Variants in MACROD2 observed in about 807,000 individuals in gnomAD.
The protein encoded by MACROD2 is mono-ADP ribosylhydrolase 2.
Under a neutral mutation model 70.4 loss-of-function variants are expected in MACROD2, and 36 were observed. The ratio of observed to expected loss-of-function variants is 0.51; its 90% confidence interval spans 0.39 to 0.68. The LOEUF (loss-of-function observed/expected upper bound fraction) is 0.68, where lower values mean the gene tolerates loss of function less well. MACROD2 is among the 30% of genes least tolerant of loss of function. The probability of loss-of-function intolerance (pLI) is 0.00; values close to 1 mark genes in which losing one functional copy is unlikely to be tolerated. For missense variants in MACROD2, 496 were observed against 538.4 expected (o/e 0.92, Z 0.78); for synonymous variants, 172 against 178.8 (o/e 0.96, Z 0.30).
intron 3 of MACROD2, among the ~76,000 whole-genome samples, chr20:14,138,063 T>C (rs1461062579): frequency 6.6e-6 from 1 of 152,148 alleles, no homozygotes; most frequent in African/African-American, 2.4e-5. Flanking sequence ...TATCACTGCA[T>C]ACCTGTTAGA....
At chr20:15,332,930 G>A (rs1471163727) in intron 6 of MACROD2, among the ~76,000 whole-genome samples, 1 of 139,104 alleles carries the variant, frequency 7.2e-6, no homozygotes, top group South Asian at 2.1e-4. Context: ...AGGAGGAAGA[G>A]GAAGCTCAGC....
At chr20:14,314,527 G>A (rs1215728035) in intron 3 of MACROD2, among the ~76,000 whole-genome samples, 2 of 152,294 alleles carry the variant, frequency 1.3e-5, no homozygotes, top group South Asian at 2.1e-4. Context: ...TTGGGAGGCC[G>A]AGGTGGGTGG....
At chr20:14,389,273 T>A (rs1489051241) in intron 3 of MACROD2, among the ~76,000 whole-genome samples, 1 of 151,746 alleles carries the variant, frequency 6.6e-6, no homozygotes, top group Non-Finnish European at 1.5e-5. Context: ...ATACAAAAAA[T>A]TAACCAGGCA....
intron 6 of MACROD2, among the ~76,000 whole-genome samples, chr20:15,290,001 A>C (rs989602139): frequency 1.2e-4 from 19 of 152,232 alleles, no homozygotes; most frequent in African/African-American, 4.6e-4. Flanking sequence ...AGGCAATAAC[A>C]TTCCCTGAGC....
intron 8 of MACROD2, among the ~76,000 whole-genome samples, chr20:15,768,564 G>A (rs963693797): frequency 2.6e-5 from 4 of 152,164 alleles, no homozygotes; most frequent in East Asian, 3.9e-4. Flanking sequence ...GCACACTGCT[G>A]TAGACTTCAG....
At chr20:15,080,395 C>T (rs913310969) in intron 5 of MACROD2, among the ~76,000 whole-genome samples, 3 of 152,128 alleles carry the variant, frequency 2.0e-5, no homozygotes, top group African/African-American at 7.2e-5. Flanking sequence ...ATATGCACTG[C>T]CGCAGCATCT....
At chr20:14,633,232 G>A (rs1377479193) in intron 4 of MACROD2, among the ~76,000 whole-genome samples, 1 of 152,160 alleles carries the variant, frequency 6.6e-6, no homozygotes, top group Admixed American at 6.6e-5. Context: ...AAAGACATTT[G>A]TGATTCATTT....
intron 3 of MACROD2, among the ~76,000 whole-genome samples, chr20:14,227,317 GT>G (rs1295115724): frequency 6.6e-6 from 1 of 152,116 alleles, no homozygotes; most frequent in African/African-American, 2.4e-5. Context: ...CTTTCACATG[GT>G]GGAAGCTTTG....
At chr20:14,012,971 G>A (rs1365134310) in intron 2 of MACROD2, among the ~76,000 whole-genome samples, 1 of 152,064 alleles carries the variant, frequency 6.6e-6, no homozygotes, top group Non-Finnish European at 1.5e-5. Context: ...TGACTGAATG[G>A]CGCCATGTAT....
chr20:14,738,893 A>G (rs925504213), intron 5 of MACROD2, among the ~76,000 whole-genome samples: 2 of 152,018 alleles, frequency 1.3e-5, no homozygotes, highest in Non-Finnish European at 2.9e-5. Context: ...AAAATAATAG[A>G]AATAGATTTC....
intron 7 of MACROD2, among the ~76,000 whole-genome samples, chr20:15,483,696 A>G (rs1406531815): frequency 2.0e-5 from 3 of 152,132 alleles, no homozygotes; most frequent in African/African-American, 7.2e-5. Context: ...ATCCATGCAC[A>G]TAGACTATCT....
At chr20:15,841,310 G>A (rs2064167749) in intron 8 of MACROD2, among the ~76,000 whole-genome samples, 1 of 152,090 alleles carries the variant, frequency 6.6e-6, no homozygotes, top group Non-Finnish European at 1.5e-5. Context: ...GTCCAGGATG[G>A]GGGGGTGTAT....
chr20:14,966,801 A>AGT (rs539370630), intron 5 of MACROD2, among the ~76,000 whole-genome samples: 144 of 151,968 alleles, frequency 9.5e-4, no homozygotes, highest in Non-Finnish European at 1.5e-3. Flanking sequence ...ACTACCATGT[A>AGT]GTATGCCATT....
intron 6 of MACROD2, among the ~76,000 whole-genome samples, chr20:15,308,486 T>C (rs566492604): frequency 8.5e-5 from 13 of 152,208 alleles, no homozygotes; most frequent in Non-Finnish European, 1.6e-4. Flanking sequence ...AAGAAAGATA[T>C]AGTTCTTAAC....
At chr20:14,743,743 C>G (rs1402894904) in intron 5 of MACROD2, among the ~76,000 whole-genome samples, 2 of 152,166 alleles carry the variant, frequency 1.3e-5, no homozygotes, top group Non-Finnish European at 2.9e-5. Context: ...TCCTAATTCC[C>G]AGAACCTGTG....
At chr20:15,251,819 A>G (rs958965912) in intron 6 of MACROD2, among the ~76,000 whole-genome samples, 2 of 152,216 alleles carry the variant, frequency 1.3e-5, no homozygotes, top group African/African-American at 4.8e-5. Context: ...CCGGGTAACA[A>G]CCTAAAAAAT....
chr20:14,290,762 G>T (rs1006385110), intron 3 of MACROD2, among the ~76,000 whole-genome samples: 2 of 152,214 alleles, frequency 1.3e-5, no homozygotes, highest in African/African-American at 4.8e-5. Flanking sequence ...ACCCGCCTCA[G>T]CCTCCCAGAG....
intron 3 of MACROD2, among the ~76,000 whole-genome samples, chr20:14,296,799 A>G (rs1264221890): frequency 1.3e-5 from 2 of 151,992 alleles, no homozygotes; most frequent in Admixed American, 6.5e-5. Flanking sequence ...TTCTAAAATA[A>G]TTGATAGTTT....
At chr20:15,901,744 T>C (rs972664947) in intron 10 of MACROD2, among the ~76,000 whole-genome samples, 4 of 152,202 alleles carry the variant, frequency 2.6e-5, no homozygotes, top group Admixed American at 6.5e-5. Flanking sequence ...TCTACTTAAC[T>C]GTCTCTAAAA....
Sources: allele counts gnomAD v4.1 joint callset (sites outside exome capture counted in the v4.1 genomes callset), GRCh38; gene constraint gnomAD v4.1.1; transcripts MANE v1.5; gene names NCBI Gene and HGNC (gene_info 2026-07-23, HGNC 2026-07-21).